Variants in SYT1 observed in about 807,000 individuals in gnomAD.
SYT1 encodes the protein synaptotagmin 1.
Under a neutral mutation model 44.8 loss-of-function variants are expected in SYT1, and 8 were observed. The ratio of observed to expected loss-of-function variants is 0.18; its 90% confidence interval spans 0.10 to 0.32. The LOEUF is 0.32. SYT1 is among the 10% of genes least tolerant of loss of function. SYT1 has a pLI of 1.00. For missense variants in SYT1, 286 were observed against 509.3 expected (o/e 0.56, Z 4.22); for synonymous variants, 154 against 188.8 (o/e 0.82, Z 1.51).
chr12:79,104,087 C>A (rs912063294), intron 3 of SYT1, among the ~76,000 whole-genome samples: 61 of 151,384 alleles, frequency 4.0e-4, no homozygotes, highest in African/African-American at 1.5e-3. Flanking sequence ...GTTTTTCTTG[C>A]AATACATTGC....
At chr12:79,298,347 A>G (rs1190387752) in intron 7 of SYT1, among the ~76,000 whole-genome samples, 1 of 152,138 alleles carries the variant, frequency 6.6e-6, no homozygotes, top group Non-Finnish European at 1.5e-5. Context: ...GGTTCCAAAC[A>G]GATGGTAAAT....
intron 3 of SYT1, among the ~76,000 whole-genome samples, chr12:79,170,133 A>T (rs1871431094): frequency 6.6e-6 from 1 of 152,024 alleles, no homozygotes; most frequent in South Asian, 2.1e-4. Context: ...TATCTTTGCT[A>T]TTGTGAATAG....
chr12:78,956,338 T>G (rs780158335), intron 1 of SYT1, among the ~76,000 whole-genome samples: 11 of 152,068 alleles, frequency 7.2e-5, no homozygotes, highest in African/African-American at 1.4e-4. Context: ...TCCTAGCTCT[T>G]CTCCTTTTTT....
chr12:79,048,752 A>G (rs928361796), intron 3 of SYT1, among the ~76,000 whole-genome samples: 2 of 151,940 alleles, frequency 1.3e-5, no homozygotes, highest in African/African-American at 4.8e-5. Flanking sequence ...ATAATTTAAG[A>G]ATCAGATTTT....
chr12:79,212,616 T>C (rs901050227), intron 3 of SYT1, among the ~76,000 whole-genome samples: 6 of 152,208 alleles, frequency 3.9e-5, no homozygotes, highest in Admixed American at 6.5e-5. Context: ...TTTTTCTTGG[T>C]ATATTTCAGG....
chr12:78,988,268 A>G (rs1164330346), intron 2 of SYT1, among the ~76,000 whole-genome samples: 2 of 151,784 alleles, frequency 1.3e-5, no homozygotes, highest in Non-Finnish European at 2.9e-5. Context: ...GAGATATTAA[A>G]CAAATAAACA....
intron 4 of SYT1, among the ~76,000 whole-genome samples, chr12:79,232,880 G>A (rs768477324): frequency 6.6e-6 from 1 of 152,206 alleles, no homozygotes; most frequent in African/African-American, 2.4e-5. Flanking sequence ...AATCAAAGGC[G>A]ACATTCACTG....
intron 2 of SYT1, among the ~76,000 whole-genome samples, chr12:79,028,070 A>T (rs900724669): frequency 1.3e-5 from 2 of 151,538 alleles, no homozygotes; most frequent in Non-Finnish European, 3.0e-5. Flanking sequence ...ATAAGATGAG[A>T]TTATCAATTG....
At chr12:79,190,805 T>G (rs1355701480) in intron 3 of SYT1, among the ~76,000 whole-genome samples, 1 of 151,794 alleles carries the variant, frequency 6.6e-6, no homozygotes, top group Admixed American at 6.6e-5. Flanking sequence ...ATTTTACTTC[T>G]AGTTGCCCCT....
chr12:79,081,896 A>G (rs547739196), intron 3 of SYT1, among the ~76,000 whole-genome samples: 2 of 152,336 alleles, frequency 1.3e-5, no homozygotes, highest in East Asian at 3.9e-4. Context: ...CATTGAATTC[A>G]TCTCACTGTA....
intron 4 of SYT1, among the ~76,000 whole-genome samples, chr12:79,229,100 T>C (rs1875705639): frequency 6.6e-6 from 1 of 152,206 alleles, no homozygotes; most frequent in South Asian, 2.1e-4. Flanking sequence ...ATCTTGAAAG[T>C]GTCTGACACC....
chr12:79,141,768 C>A (rs1391517157), intron 3 of SYT1, among the ~76,000 whole-genome samples: 3 of 152,180 alleles, frequency 2.0e-5, no homozygotes, highest in Non-Finnish European at 4.4e-5. Flanking sequence ...GTATGATATT[C>A]ATTGCTTCTA....
intron 1 of SYT1, among the ~76,000 whole-genome samples, chr12:78,895,298 A>G (rs889661476): frequency 6.6e-6 from 1 of 151,768 alleles, no homozygotes. Context: ...AGGATTAAGT[A>G]ATCAGCATAT....
intron 1 of SYT1, among the ~76,000 whole-genome samples, chr12:78,954,111 A>G (rs921201994): frequency 6.6e-6 from 1 of 152,120 alleles, no homozygotes; most frequent in African/African-American, 2.4e-5. Flanking sequence ...ATTAATCTCC[A>G]ATTAGATCAT....
chr12:79,069,457 A>G (rs569723618), intron 3 of SYT1, among the ~76,000 whole-genome samples: 15 of 151,782 alleles, frequency 9.9e-5, no homozygotes, highest in Non-Finnish European at 1.9e-4. Context: ...TTCTTTTTAT[A>G]TTTGTCTATA....
Position 79,398,169 on chromosome 12 carries a change from G to A in SYT1, c.928+44550G>A, listed in dbSNP as rs548808214. ...GGCCAGTCTGATCCACAGAATAAGG[G>A]TAGGAGGGCTCTTGCTGTAACATAG... On this transcript the variant is annotated intron_variant, in intron 9 of 10. Coordinates refer to ENST00000261205, the MANE Select transcript of SYT1 (RefSeq NM_005639.3). 2.5e-3 allele frequency among the ~76,000 whole-genome samples: 386 copies of A among 152,290 alleles called. 2 individuals carry two copies. Among genetic ancestry groups the A allele is most frequent in the Non-Finnish European group, 3.2e-3 (218 of 68,030 alleles).
chr12:78,971,761 T>C (rs1592618566), intron 1 of SYT1, among the ~76,000 whole-genome samples: 1 of 152,150 alleles, frequency 6.6e-6, no homozygotes, highest in African/African-American at 2.4e-5. Context: ...AGGCAATGTA[T>C]AATGAAAAGG....
chr12:79,228,941 G>A (rs1369182214), intron 4 of SYT1, among the ~76,000 whole-genome samples: 1 of 152,148 alleles, frequency 6.6e-6, no homozygotes, highest in Non-Finnish European at 1.5e-5. Flanking sequence ...ATTTCCCAAG[G>A]CAGAAATATA....
chr12:78,892,448 A>G lies in SYT1; in HGVS notation c.-217+27339A>G, dbSNP rs189352497. Among the ~76,000 whole-genome samples, 552 of 151,878 alleles carry G rather than the reference A, an allele frequency of 3.6e-3. 1 individual carries two copies. Among genetic ancestry groups the G allele is most frequent in the Non-Finnish European group, 6.0e-3 (406 of 67,814 alleles). ...ATAAACCATTCTTCAGTAATATAAAATAGAGAAAATATTTTAGCAATAGGA... is the reference window on the plus strand; with the variant it reads ...ATAAACCATTCTTCAGTAATATAAAGTAGAGAAAATATTTTAGCAATAGGA... On this transcript the variant is annotated intron_variant, in intron 1 of 10. Coordinates refer to ENST00000261205, the MANE Select transcript of SYT1 (RefSeq NM_005639.3).
Sources: allele counts gnomAD v4.1 joint callset (sites outside exome capture counted in the v4.1 genomes callset), GRCh38; gene constraint gnomAD v4.1.1; transcripts MANE v1.5; gene names NCBI Gene and HGNC (gene_info 2026-07-23, HGNC 2026-07-21).